The following PLB1 variants were observed in gnomAD, a reference collection of about 807,000 sequenced individuals.
PLB1 encodes the protein phospholipase B1.
Under a neutral mutation model 227.4 loss-of-function variants are expected in PLB1, and 242 were observed. That is an observed-to-expected ratio of 1.06 (90% CI 0.96 to 1.18). The LOEUF is 1.18. Among genes scored for constraint, PLB1 ranks in the 50% most tolerant of loss-of-function variants. PLB1 has a pLI of 0.00. For synonymous variants in PLB1, 757 were observed against 682.2 expected, an observed-to-expected ratio of 1.11 and a Z score of -1.71; for missense variants, 1,858 against 1,816.3, an observed-to-expected ratio of 1.02 and a Z score of -0.42.
At chr2:28,543,414 C>A in intron 14 of PLB1, 146 bp downstream of exon 14, 2 of 828,882 alleles carry the variant, frequency 2.4e-6, no homozygotes, top group Non-Finnish European at 3.7e-6. Context: ...TTCTGTCTCC[C>A]GGTGACGCCC....
intron 56 of PLB1, among the ~76,000 whole-genome samples, chr2:28,634,806 A>C (rs1252228622): frequency 6.6e-6 from 1 of 152,092 alleles, no homozygotes; most frequent in Non-Finnish European, 1.5e-5. Flanking sequence ...AGCTGCTCAG[A>C]AGGCTGACGT....
chr2:28,589,945 C>G (rs1217839707), intron 28 of PLB1, 60 bp from the exon 29 acceptor site: 1 of 1,521,828 alleles, frequency 6.6e-7, no homozygotes, highest in African/African-American at 1.4e-5. Context: ...GACCTGCGTC[C>G]TGAGCTTTCC....
intron 5 of PLB1, among the ~76,000 whole-genome samples, chr2:28,525,625 G>A (rs951112336): frequency 1.1e-4 from 16 of 152,140 alleles, no homozygotes; most frequent in African/African-American, 3.6e-4. Flanking sequence ...CTGGGGCCAG[G>A]CTCAGTCTCA....
intron 6 of PLB1, among the ~76,000 whole-genome samples, chr2:28,528,040 G>A (rs1398472287): frequency 6.6e-6 from 1 of 152,152 alleles, no homozygotes; most frequent in Admixed American, 6.5e-5. Context: ...AAGCCAATCG[G>A]GGGTTAGAGA....
intron 23 of PLB1, among the ~76,000 whole-genome samples, chr2:28,580,441 G>A (rs1679733546): frequency 6.6e-6 from 1 of 152,208 alleles, no homozygotes; most frequent in South Asian, 2.1e-4. Context: ...TTGGCTGGGT[G>A]TGGTGGCTCA....
In PLB1 at chr2:28,563,088, G is replaced by T. The variant is rs779504995; in HGVS notation, c.1195G>T (p.Asp399Tyr). ...ADINVIGALG[D>Y]SLTAGNGAGS... ...CATCAACGTAATTGGAGCCCTGGGT[G>T]ACTCTCTCACGGTAAGTGACCCTGA... The change falls in exon 18 of 58, where the codon GAC becomes TAC. Residue 399 changes from aspartate to tyrosine, a missense_variant. Asp to Tyr is a radical substitution (Grantham distance 160). Coordinates refer to ENST00000327757, the MANE Select transcript of PLB1 (RefSeq NM_153021.5). 2 of 1,613,474 alleles carry T rather than the reference G, an allele frequency of 1.2e-6. No individual in the cohort carries two copies. Among genetic ancestry groups the T allele is most frequent in the East Asian group, 4.5e-5 (2 of 44,876 alleles).
chr2:28,569,112 G>A (rs1198350615), intron 20 of PLB1, among the ~76,000 whole-genome samples: 1 of 152,204 alleles, frequency 6.6e-6, no homozygotes, highest in African/African-American at 2.4e-5. Context: ...CAGCAGTGCT[G>A]GGTTCTAGCA....
At position 28,591,120 on chromosome 2, in the gene PLB1, C is replaced by A. The variant is rs756190834; in HGVS notation, c.2089-13C>A. On this transcript the variant is annotated splice_polypyrimidine_tract_variant and intron_variant, in intron 29 of 57. Transcript: ENST00000327757. ...AGAATTTGCTGCCATTGCTCACCCC[C>A]CTCTCCTCACAGGTCCAGCCGTTTC... 1 of 1,614,170 alleles carries A rather than the reference C, an allele frequency of 6.2e-7. No homozygotes were observed. The highest frequency in any genetic ancestry group is 8.5e-7 in the Non-Finnish European group (1 of 1,180,018).
At chr2:28,571,905 G>A (rs543636947) in intron 20 of PLB1, among the ~76,000 whole-genome samples, 54 of 151,914 alleles carry the variant, frequency 3.6e-4, no homozygotes, top group Non-Finnish European at 6.2e-4. Context: ...ATGCCACTAA[G>A]ACAAGTGACA....
At chr2:28,581,440 G>T (rs1679923100) in intron 23 of PLB1, among the ~76,000 whole-genome samples, 1 of 149,654 alleles carries the variant, frequency 6.7e-6, no homozygotes, top group African/African-American at 2.5e-5. Context: ...TGATGCTTTG[G>T]CTCTACAGTT....
intron 44 of PLB1, among the ~76,000 whole-genome samples, chr2:28,617,234 A>G (rs1337334923): frequency 6.6e-6 from 1 of 152,240 alleles, no homozygotes; most frequent in African/African-American, 2.4e-5. Flanking sequence ...GGAGCTTTAC[A>G]ATTTTAAAAT....
intron 4 of PLB1, among the ~76,000 whole-genome samples, chr2:28,522,290 A>G (rs1271882636): frequency 1.3e-5 from 2 of 152,000 alleles, no homozygotes; most frequent in African/African-American, 4.8e-5. Context: ...ACTGAACCTT[A>G]GGAAACCAAC....
intron 57 of PLB1, 21 bp from the exon 58 acceptor site, chr2:28,642,837 A>AC: frequency 6.4e-7 from 1 of 1,553,896 alleles, no homozygotes; most frequent in African/African-American, 1.4e-5. Context: ...CTTTCCACTG[A>AC]CCCCCGCTCC....
intron 29 of PLB1, among the ~76,000 whole-genome samples, chr2:28,590,781 G>A (rs1034189127): frequency 1.3e-5 from 2 of 152,146 alleles, no homozygotes; most frequent in Non-Finnish European, 2.9e-5. Context: ...TGGTAAAGGA[G>A]CCTGGGGAGC....
chr2:28,558,887 C>G (rs570866618), intron 17 of PLB1, among the ~76,000 whole-genome samples: 12 of 152,040 alleles, frequency 7.9e-5, no homozygotes, highest in African/African-American at 1.9e-4. Flanking sequence ...AGAAACAACT[C>G]TAGTCTTTTT....
In PLB1 at chr2:28,511,121, T is replaced by G. The variant is rs573143025; in HGVS notation, c.56-5687T>G. 2.0e-5 allele frequency among the ~76,000 whole-genome samples: 3 copies of G among 152,296 alleles called. No homozygotes were observed. The East Asian group carries it at 5.8e-4, about 29-fold the overall frequency. On this transcript the variant is annotated intron_variant, in intron 1 of 57. Coordinates refer to ENST00000327757, the MANE Select transcript of PLB1 (RefSeq NM_153021.5). ...CTTTTACCACTTGATAAGGGGAAAA[T>G]CTTATAACAGTTTAACTCCATTTAT... is the stretch of plus-strand genomic sequence containing the variant.
Position 28,575,000 on chromosome 2 carries a change from G to A in PLB1, c.1433+1695G>A, listed in dbSNP as rs150091864. On this transcript the variant is annotated intron_variant, in intron 21 of 57. Transcript: ENST00000327757. ...ATGCATGTGCATGTGTCTTTTTCAT[G>A]TAATGACTTATTTTCCTTTGAGTAG... Among the ~76,000 whole-genome samples the A allele has an allele frequency of 4.8e-3, 733 of 152,298 alleles. 4 individuals are homozygous for A. The highest frequency in any genetic ancestry group is 0.014 in the African/African-American group (602 of 41,554).
chr2:28,565,174 C>T, intron 18 of PLB1, 106 bp from the exon 19 acceptor site: 2 of 896,912 alleles, frequency 2.2e-6, no homozygotes, highest in Non-Finnish European at 3.6e-6. Context: ...CCAGAGAGTG[C>T]CCAGGTGGTC....
intron 12 of PLB1, 42 bp from the exon 13 acceptor site, chr2:28,541,665 G>A (rs752783776): frequency 1.2e-5 from 18 of 1,517,964 alleles, no homozygotes; most frequent in East Asian, 4.5e-5. Flanking sequence ...GCTCTGCCTC[G>A]CTCATGTTCC....
Sources: allele counts gnomAD v4.1 joint callset (sites outside exome capture counted in the v4.1 genomes callset), GRCh38; gene constraint gnomAD v4.1.1; transcripts MANE v1.5; gene names NCBI Gene and HGNC (gene_info 2026-07-23, HGNC 2026-07-21).